IRAK1BP1: variants seen among roughly 807,000 people sequenced by gnomAD.
IRAK1BP1 encodes the protein interleukin-1 receptor-associated kinase 1-binding protein 1.
Under a neutral mutation model 28.0 loss-of-function variants are expected in IRAK1BP1, and 24 were observed. The ratio of observed to expected loss-of-function variants is 0.86; its 90% CI spans 0.62 to 1.20. The LOEUF (loss-of-function observed/expected upper bound fraction) is 1.20, where lower values mean the gene tolerates loss of function less well. Among genes scored for constraint, IRAK1BP1 ranks in the 50% most tolerant of loss-of-function variants. The probability of loss-of-function intolerance (pLI) is 0.00; values close to 1 mark genes in which losing one functional copy is unlikely to be tolerated. For synonymous variants in IRAK1BP1, 131 were observed against 116.3 expected (o/e 1.13, Z -0.81); for missense variants, 336 against 316.7 (o/e 1.06, Z -0.46).
chr6:78,900,341 T>TA lies in IRAK1BP1; in HGVS notation c.*2008dup, dbSNP rs1302402129. 14 of 152,260 alleles carry TA rather than the reference T, an allele frequency of 9.2e-5. No individual in the cohort carries two copies. Among genetic ancestry groups the TA allele is most frequent in the Non-Finnish European group, 1.8e-4 (12 of 68,052 alleles). The allele number at this position is 152,260 out of a possible 1,614,324, so 9.4% of individuals were successfully genotyped here. ...TTCCATTCTCTATACATCTAGGTCA[T>TA]AGAGTTTTTCCATTGATAAATCTGG... On this transcript the variant is annotated 3_prime_UTR_variant, in exon 4 of 4. Coordinates refer to ENST00000369940, the MANE Select transcript of IRAK1BP1 (RefSeq NM_001010844.4).
the IRAK1BP1 span, among the ~76,000 whole-genome samples, chr6:78,959,719 T>C: frequency 6.6e-6 from 1 of 152,172 alleles, no homozygotes; most frequent in African/African-American, 2.4e-5. Context: ...GTCTTTCAAA[T>C]GTTTTTTTCC....
chr6:78,975,412 A>G, the IRAK1BP1 span, among the ~76,000 whole-genome samples: 2 of 152,214 alleles, frequency 1.3e-5, no homozygotes, highest in African/African-American at 4.8e-5. Flanking sequence ...CCCACAGCCA[A>G]TATCATACTG....
At chr6:78,954,066 C>T in the IRAK1BP1 span, among the ~76,000 whole-genome samples, 1 of 152,084 alleles carries the variant, frequency 6.6e-6, no homozygotes, top group African/African-American at 2.4e-5. Flanking sequence ...ATAATGTCAC[C>T]TTACATTTGT....
intron 4 of IRAK1BP1, among the ~76,000 whole-genome samples, chr6:78,915,786 TC>T (rs1302449335): frequency 6.6e-6 from 1 of 152,226 alleles, no homozygotes; most frequent in Non-Finnish European, 1.5e-5. Flanking sequence ...TGTAGGCATT[TC>T]TTTTATTATA....
At chr6:78,870,371 T>C (rs957997859) in intron 1 of IRAK1BP1, among the ~76,000 whole-genome samples, 1 of 152,178 alleles carries the variant, frequency 6.6e-6, no homozygotes, top group East Asian at 1.9e-4. Flanking sequence ...ACTTATCCTG[T>C]ATCATAATTC....
the IRAK1BP1 span, among the ~76,000 whole-genome samples, chr6:78,961,383 A>C: frequency 6.3e-3 from 959 of 152,200 alleles, 18 homozygotes; most frequent in African/African-American, 0.022. Flanking sequence ...TGCTTTATAA[A>C]ATACAATATA....
At chr6:78,967,853 G>T in the IRAK1BP1 span, among the ~76,000 whole-genome samples, 2 of 152,126 alleles carry the variant, frequency 1.3e-5, no homozygotes, top group African/African-American at 4.8e-5. Flanking sequence ...AAAATTTATC[G>T]GCCGGGCGCG....
chr6:78,943,963 G>GT (rs1454421543), intron 4 of IRAK1BP1, among the ~76,000 whole-genome samples: 3 of 133,516 alleles, frequency 2.2e-5, no homozygotes, highest in Non-Finnish European at 3.1e-5. Flanking sequence ...TTCAGCCTCG[G>GT]TGACAGAGCA....
intron 4 of IRAK1BP1, among the ~76,000 whole-genome samples, chr6:78,943,281 T>C (rs956648578): frequency 1.3e-5 from 2 of 152,184 alleles, no homozygotes; most frequent in East Asian, 3.9e-4. Flanking sequence ...TAATGTTAAC[T>C]AATAGATAAT....
chr6:78,895,754 G>A (rs934818078), intron 2 of IRAK1BP1, among the ~76,000 whole-genome samples: 1 of 152,108 alleles, frequency 6.6e-6, no homozygotes, highest in African/African-American at 2.4e-5. Context: ...ACTGATAAGA[G>A]GAATCCATGA....
intron 1 of IRAK1BP1, among the ~76,000 whole-genome samples, chr6:78,871,049 G>A (rs912128638): frequency 2.6e-5 from 4 of 151,878 alleles, no homozygotes; most frequent in Non-Finnish European, 5.9e-5. Flanking sequence ...TAGTTTGTTT[G>A]GTCTGCTGTA....
At chr6:78,883,956 T>C (rs1771322793) in intron 1 of IRAK1BP1, among the ~76,000 whole-genome samples, 1 of 152,132 alleles carries the variant, frequency 6.6e-6, no homozygotes, top group East Asian at 1.9e-4. Flanking sequence ...CTATCTATGG[T>C]TTCAGGTATC....
chr6:78,961,238 G>A, the IRAK1BP1 span, among the ~76,000 whole-genome samples: 1 of 151,838 alleles, frequency 6.6e-6, no homozygotes, highest in Non-Finnish European at 1.5e-5. Context: ...AGTGTTATAA[G>A]TAATGATAAG....
intron 4 of IRAK1BP1, among the ~76,000 whole-genome samples, chr6:78,912,703 A>G (rs886343876): frequency 1.6e-4 from 25 of 152,342 alleles, no homozygotes; most frequent in African/African-American, 5.8e-4. Flanking sequence ...TTTTCACACA[A>G]TAAATATTAT....
chr6:78,908,054 A>C (rs57572924), downstream of IRAK1BP1, among the ~76,000 whole-genome samples: 1 of 136,886 alleles, frequency 7.3e-6, no homozygotes, highest in South Asian at 2.4e-4. Flanking sequence ...TTATTTATTT[A>C]TTTATCTATT....
chr6:78,973,022 G>T, the IRAK1BP1 span, among the ~76,000 whole-genome samples: 1 of 152,246 alleles, frequency 6.6e-6, no homozygotes, highest in Non-Finnish European at 1.5e-5. Flanking sequence ...AGGAAATACA[G>T]AGAACGCCAT....
At chr6:78,946,638 T>TA, downstream of IRAK1BP1, 6 of 1,471,150 alleles carry the variant, frequency 4.1e-6, no homozygotes, top group African/African-American at 1.5e-5. Context: ...AAGGAAGTAT[T>TA]AAAAAACACC....
At chr6:78,927,820 G>A (rs149603149) in intron 4 of IRAK1BP1, among the ~76,000 whole-genome samples, 216 of 152,088 alleles carry the variant, frequency 1.4e-3, no homozygotes, top group African/African-American at 4.8e-3. Context: ...TTCCTTGCAC[G>A]TTTGTCAAAA....
chr6:78,955,720 C>G, the IRAK1BP1 span: 3 of 696,088 alleles, frequency 4.3e-6, no homozygotes, highest in African/African-American at 1.8e-5. Flanking sequence ...AAGATTAGAA[C>G]CATGATAATT....
Sources: gnomAD v4.1 joint callset for allele counts (sites outside exome capture counted in the v4.1 genomes callset) on GRCh38, gnomAD v4.1.1 for gene constraint, MANE v1.5 for transcripts, NCBI Gene and HGNC (gene_info 2026-07-23, HGNC 2026-07-21) for gene names.